Variants in G6PC2 observed in about 807,000 individuals in gnomAD.
The protein encoded by G6PC2 is glucose-6-phosphatase catalytic subunit 2.
In G6PC2, 41 loss-of-function variants were observed where a neutral mutation model predicts 35.4. The observed-to-expected ratio is 1.16, with a 90% confidence interval of 0.90 to 1.50. G6PC2 has a LOEUF of 1.50. Ranked by LOEUF, G6PC2 falls within the 40% of genes most tolerant of loss-of-function variation. G6PC2 has a pLI of 0.00. For synonymous variants in G6PC2, 165 were observed against 153.2 expected, an observed-to-expected ratio of 1.08 and a Z score of -0.57; for missense variants, 441 against 426.5, an observed-to-expected ratio of 1.03 and a Z score of -0.30.
chr2:168,901,484 G>A lies in G6PC2; in HGVS notation c.153G>A (p.Gln51=). 7.5e-6 allele frequency: 12 copies of A among 1,600,988 alleles called. No homozygotes were observed. Among genetic ancestry groups the A allele is most frequent in the Non-Finnish European group, 9.4e-6 (11 of 1,168,164 alleles). ...TTCCACTTTGTTTTCAATTTAATCAGACAGTTGGAACCAAGATGATATGGG... is the reference window on the plus strand; with the variant it reads ...TTCCACTTTGTTTTCAATTTAATCAAACAGTTGGAACCAAGATGATATGGG... ...IYFPLCFQFN[Q]TVGTKMIWVA... Residue 51 remains glutamine (Q), a synonymous_variant, in exon 1 of 5, where the codon CAG becomes CAA. Transcript: ENST00000375363.
At chr2:168,903,859 T>G (rs1032828508) in intron 2 of G6PC2, among the ~76,000 whole-genome samples, 1 of 152,158 alleles carries the variant, frequency 6.6e-6, no homozygotes, top group African/African-American at 2.4e-5. Flanking sequence ...GAAAGGCTTT[T>G]TCTGCTAGGA....
intron 3 of G6PC2, among the ~76,000 whole-genome samples, chr2:168,906,134 A>G (rs1331015835): frequency 6.6e-6 from 1 of 151,454 alleles, no homozygotes; most frequent in Non-Finnish European, 1.5e-5. Flanking sequence ...AAAACAAGAA[A>G]CAAGGACTTT....
intron 3 of G6PC2, 91 bp downstream of exon 3, chr2:168,904,707 G>T: frequency 1.3e-6 from 1 of 774,892 alleles, no homozygotes; most frequent in Non-Finnish European, 2.4e-6. Flanking sequence ...TGCAGTTTTA[G>T]TCAATGAATA....
Position 168,904,513 on chromosome 2 carries a change from T to A in G6PC2, c.337T>A (p.Ser113Thr). ...TTCETGPGSP[S>T]GHAMGASCVW... Reference sequence around the variant, plus strand: ...ACACTTTGTTGTTGCAGGAAGTCCATCTGGCCATGCAATGGGCGCATCCTG... The same window carrying A: ...ACACTTTGTTGTTGCAGGAAGTCCAACTGGCCATGCAATGGGCGCATCCTG... The change falls in exon 3 of 5, where the codon TCT (serine) becomes ACT (threonine). Residue 113 changes from serine (S) to threonine (T), a missense_variant. Ser to Thr is a moderately conservative substitution (Grantham distance 58). Coordinates refer to ENST00000375363, the MANE Select transcript of G6PC2 (RefSeq NM_021176.3). 6.3e-7 allele frequency: 1 copy of A among 1,590,344 alleles called. No individual in the cohort carries two copies. The highest frequency in any genetic ancestry group is 8.6e-7 in the Non-Finnish European group (1 of 1,158,372).
Position 168,907,984 on chromosome 2 carries a change from T to C in G6PC2, c.973T>C (p.Phe325Leu). The C allele has an allele frequency of 6.2e-7, 1 of 1,613,948 alleles. No individual in the cohort carries two copies. The highest frequency in any genetic ancestry group is 1.7e-5 in the Admixed American group (1 of 60,034). The change falls in exon 5 of 5, where the codon TTT becomes CTT. Residue 325 changes from phenylalanine to leucine, a missense_variant. Transcript: ENST00000375363. ...HEEHLFYVLS[F>L]CKSASIPLTV... ...AGAGCATTTATTTTATGTGCTGTCT[T>C]TTTGTAAAAGTGCATCCATTCCCCT... is the stretch of plus-strand genomic sequence containing the variant.
Position 168,908,153 on chromosome 2 carries a change from A to C in G6PC2, c.*74A>C. On this transcript the variant is annotated 3_prime_UTR_variant, in exon 5 of 5. Coordinates refer to ENST00000375363, the MANE Select transcript of G6PC2 (RefSeq NM_021176.3). Reference sequence around the variant, plus strand: ...CCACCAGTAGAGCCACAGAGTAGGCACAGACCAGAGGCTTCTAATCCGACT... The same window carrying C: ...CCACCAGTAGAGCCACAGAGTAGGCCCAGACCAGAGGCTTCTAATCCGACT... The C allele has an allele frequency of 2.4e-6, 3 of 1,244,008 alleles. No homozygotes were observed. The highest frequency in any genetic ancestry group is 2.4e-5 in the South Asian group (2 of 83,692). 77.1% of individuals were successfully genotyped at this position (1,244,008 alleles called of 1,614,324 possible).
chr2:168,905,948 CT>C (rs58688277), intron 3 of G6PC2, among the ~76,000 whole-genome samples: 6,269 of 148,134 alleles, frequency 0.042, 447 homozygotes, highest in African/African-American at 0.14. Context: ...ACTGCTAACA[CT>C]TTTTTTTTTC....
Position 168,907,644 on chromosome 2 carries a change from C to A in G6PC2, c.633C>A (p.Asn211Lys). Reference protein sequence around the residue: ...TASLGTYLKTNLFLFLFAVGF... With the variant: ...TASLGTYLKTKLFLFLFAVGF... ...GTCTGGGCACATACCTGAAGACCAA[C>A]CTCTTTCTCTTCCTGTTTGCAGTTG... The change falls in exon 5 of 5, where the codon AAC becomes AAA. Residue 211 changes from asparagine (N) to lysine (K), a missense_variant. Transcript: ENST00000375363. 1 of 1,613,714 alleles carries A rather than the reference C, an allele frequency of 6.2e-7. No homozygotes were observed. The highest frequency in any genetic ancestry group is 8.5e-7 in the Non-Finnish European group (1 of 1,179,632).
intron 2 of G6PC2, among the ~76,000 whole-genome samples, chr2:168,903,577 T>G (rs1161392150): frequency 1.3e-5 from 2 of 152,062 alleles, no homozygotes; most frequent in Non-Finnish European, 2.9e-5. Flanking sequence ...TCCAGTCCTT[T>G]CCGGCATGTG....
Position 168,909,720 on chromosome 2 carries a change from A to G in G6PC2, c.*1641A>G, listed in dbSNP as rs945541676. 1 of 152,166 alleles carries G rather than the reference A, an allele frequency of 6.6e-6. No individual in the cohort carries two copies. The highest frequency in any genetic ancestry group is 1.5e-5 in the Non-Finnish European group (1 of 68,026). 9.4% of individuals were successfully genotyped at this position (152,166 alleles called of 1,614,324 possible). On this transcript the variant is annotated 3_prime_UTR_variant, in exon 5 of 5. Transcript: ENST00000375363. Reference sequence around the variant, plus strand: ...CTAGATATCTTAGTAATCCCCCACAATGTTTTATGTAACTCTTCTCAGAAT... The same window carrying G: ...CTAGATATCTTAGTAATCCCCCACAGTGTTTTATGTAACTCTTCTCAGAAT...
chr2:168,901,847 T>C (rs6730651), intron 1 of G6PC2, among the ~76,000 whole-genome samples: 27,290 of 151,478 alleles, frequency 0.18, 3,566 homozygotes, highest in African/African-American at 0.37. Context: ...AGCAATTCTC[T>C]CACCTCAGCC....
In G6PC2 at chr2:168,908,009, T is replaced by C; in HGVS notation, c.998T>C (p.Leu333Pro). The C allele has an allele frequency of 1.9e-6, 3 of 1,612,658 alleles. No homozygotes were observed. The highest frequency in any genetic ancestry group is 2.5e-6 in the Non-Finnish European group (3 of 1,178,684). The change falls in exon 5 of 5, where the codon CTA becomes CCA. Residue 333 changes from leucine to proline, a missense_variant. Transcript: ENST00000375363. The stretch of plus-strand genomic sequence containing the variant: ...TTTTGTAAAAGTGCATCCATTCCCC[T>C]AACTGTGGTTGCTTTCATTCCCTAC... ...LSFCKSASIP[L>P]TVVAFIPYSV... is the part of the protein sequence containing the mutation.
At position 168,908,175 on chromosome 2, in the gene G6PC2, G is replaced by A. The variant is rs1480987628; in HGVS notation, c.*96G>A. 6.9e-6 allele frequency: 7 copies of A among 1,016,268 alleles called. No individual in the cohort carries two copies. The East Asian group carries it at 9.4e-5, about 14-fold the overall frequency. 63.0% of individuals were successfully genotyped at this position (1,016,268 alleles called of 1,614,324 possible). On this transcript the variant is annotated 3_prime_UTR_variant, in exon 5 of 5. Transcript: ENST00000375363. ...GGCACAGACCAGAGGCTTCTAATCC[G>A]ACTTCACAGAATAGCGGCACAGGCC... is the stretch of plus-strand genomic sequence containing the variant.
intron 2 of G6PC2, among the ~76,000 whole-genome samples, 171 bp from the exon 3 acceptor site, chr2:168,904,334 T>A (rs1690662231): frequency 6.6e-6 from 1 of 152,184 alleles, no homozygotes; most frequent in South Asian, 2.1e-4. Flanking sequence ...CAGGCTCAAT[T>A]TAACTCAATT....
rs1293549600 is a variant in G6PC2 at position 168,908,163 on chromosome 2, G to A, written c.*84G>A. The A allele has an allele frequency of 6.1e-6, 7 of 1,152,666 alleles. No individual in the cohort carries two copies. The Admixed American group carries it at 8.4e-5, about 14-fold the overall frequency. The allele number at this position is 1,152,666 out of a possible 1,614,324, so 71.4% of individuals were successfully genotyped here. A position where few individuals can be genotyped will look rare whatever the true frequency, so the allele number is the denominator to read the frequency against. ...AGCCACAGAGTAGGCACAGACCAGA[G>A]GCTTCTAATCCGACTTCACAGAATA... On this transcript the variant is annotated 3_prime_UTR_variant, in exon 5 of 5. Transcript: ENST00000375363.
Position 168,907,669 on chromosome 2 carries a change from G to A in G6PC2, c.658G>A (p.Gly220Ser). ...TNLFLFLFAV[G>S]FYLLLRVLNI... is the part of the protein sequence containing the mutation. ...CCTCTTTCTCTTCCTGTTTGCAGTT[G>A]GCTTTTACCTGCTTCTTAGGGTGCT... The change falls in exon 5 of 5, where the codon GGC becomes AGC. Residue 220 changes from glycine (G) to serine (S), a missense_variant. Gly to Ser is a moderately conservative substitution (Grantham distance 56). Transcript: ENST00000375363. The A allele has an allele frequency of 1.2e-6, 2 of 1,614,014 alleles. No homozygotes were observed. The highest frequency in any genetic ancestry group is 1.7e-6 in the Non-Finnish European group (2 of 1,179,988).
intron 2 of G6PC2, 92 bp from the exon 3 acceptor site, chr2:168,904,413 A>C: frequency 1.3e-6 from 1 of 795,252 alleles, no homozygotes; most frequent in Non-Finnish European, 2.3e-6. Context: ...TGAGTTACTC[A>C]TAATTTTCAT....
chr2:168,902,347 G>T, intron 1 of G6PC2, 98 bp from the exon 2 acceptor site: 1 of 708,672 alleles, frequency 1.4e-6, no homozygotes. Context: ...TTAACCCTGC[G>T]CTTGAGTCAT....
chr2:168,907,816 T>C lies in G6PC2; in HGVS notation c.805T>C (p.Leu269=), dbSNP rs1360942447. The change falls in exon 5 of 5, where the codon TTG becomes CTG. Residue 269 remains leucine (L), a synonymous_variant. Coordinates refer to ENST00000375363, the MANE Select transcript of G6PC2 (RefSeq NM_021176.3). ...GAGAAACCTTGGGGTCCTCTTTGGC[T>C]TGGGCTTTGCAATCAACTCAGAGAT... ...LVRNLGVLFG[L]GFAINSEMFL... The C allele has an allele frequency of 6.2e-7, 1 of 1,614,118 alleles. No homozygotes were observed. The highest frequency in any genetic ancestry group is 2.2e-5 in the East Asian group (1 of 44,874).
Sources: allele counts gnomAD v4.1 joint callset (sites outside exome capture counted in the v4.1 genomes callset), GRCh38; gene constraint gnomAD v4.1.1; transcripts MANE v1.5; gene names NCBI Gene and HGNC (gene_info 2026-07-23, HGNC 2026-07-21).